AGBL1: variants seen among roughly 807,000 people sequenced by gnomAD.
AGBL1 encodes the protein AGBL carboxypeptidase 1, also known as cytosolic carboxypeptidase 4.
AGBL1 carries 130 observed loss-of-function variants against 118.9 expected under a neutral mutation model. The observed-to-expected ratio is 1.09, with a 90% CI of 0.95 to 1.26. The LOEUF (loss-of-function observed/expected upper bound fraction) is 1.26, where lower values mean the gene tolerates loss of function less well. Ranked by LOEUF, AGBL1 falls within the 50% of genes most tolerant of loss-of-function variation. The pLI is 0.00. For synonymous variants in AGBL1, 555 were observed against 478.9 expected (o/e 1.16, Z -2.08); for missense variants, 1,584 against 1,298.1 (o/e 1.22, Z -3.38).
intron 22 of AGBL1, among the ~76,000 whole-genome samples, chr15:86,739,803 A>T (rs995405145): frequency 6.6e-6 from 1 of 152,206 alleles, no homozygotes; most frequent in African/African-American, 2.4e-5. Context: ...CTTAAACAGC[A>T]GGATGGCAGA....
intron 3 of AGBL1, among the ~76,000 whole-genome samples, chr15:86,150,987 G>C (rs2077100040): frequency 6.6e-6 from 1 of 152,230 alleles, no homozygotes; most frequent in Non-Finnish European, 1.5e-5. Context: ...AAAATGATGA[G>C]TTCATGTCCT....
rs78900149 is a variant in AGBL1, at chr15:86,865,434, A to G, written c.3159-41653A>G. On this transcript the variant is annotated intron_variant, in intron 22 of 22. Transcript: ENST00000614907. ...ACCCTTTGTTGAAACTGAGCACTTC[A>G]GAAACACAGGCCCTTGGCATAATTG... Among the ~76,000 whole-genome samples, 135 of 152,344 alleles carry G rather than the reference A, an allele frequency of 8.9e-4. 1 individual carries two copies. Among genetic ancestry groups the G allele is most frequent in the African/African-American group, 3.2e-3 (132 of 41,580 alleles).
intron 24 of AGBL1, among the ~76,000 whole-genome samples, chr15:86,998,682 C>A (rs1305343632): frequency 6.6e-5 from 10 of 152,124 alleles, no homozygotes; most frequent in Admixed American, 5.9e-4. Context: ...GAATGGGCAG[C>A]TGATATACAG....
intron 5 of AGBL1, among the ~76,000 whole-genome samples, chr15:86,184,688 A>C (rs996386406): frequency 6.6e-6 from 1 of 151,972 alleles, no homozygotes; most frequent in African/African-American, 2.4e-5. Flanking sequence ...TTTTTCTCTA[A>C]CCTTGAAAAT....
chr15:86,556,757 C>A (rs1267295500), intron 21 of AGBL1, among the ~76,000 whole-genome samples: 1 of 152,182 alleles, frequency 6.6e-6, no homozygotes, highest in African/African-American at 2.4e-5. Context: ...GGTCATCTTT[C>A]CATTTTTTGT....
chr15:86,459,069 G>C (rs1208522156), intron 18 of AGBL1, among the ~76,000 whole-genome samples: 3 of 152,086 alleles, frequency 2.0e-5, no homozygotes, highest in Non-Finnish European at 4.4e-5. Context: ...ATTATAGTTT[G>C]ATCCAAGAAA....
intron 23 of AGBL1, among the ~76,000 whole-genome samples, chr15:86,945,391 G>T (rs1379076997): frequency 1.3e-5 from 2 of 152,052 alleles, no homozygotes; most frequent in African/African-American, 2.4e-5. Context: ...AAACCAGCCG[G>T]GCACAGTGGC....
intron 21 of AGBL1, among the ~76,000 whole-genome samples, chr15:86,645,580 G>A (rs2085263922): frequency 6.6e-6 from 1 of 152,134 alleles, no homozygotes. Context: ...ACCATCTCCT[G>A]TGCACCTTTT....
At chr15:86,229,488 C>G (rs1436968250) in intron 6 of AGBL1, among the ~76,000 whole-genome samples, 2 of 152,142 alleles carry the variant, frequency 1.3e-5, no homozygotes, top group African/African-American at 4.8e-5. Flanking sequence ...CCCACCAGGT[C>G]CCTTTGATTC....
chr15:86,488,498 C>T (rs957127308), intron 18 of AGBL1, among the ~76,000 whole-genome samples: 1 of 152,018 alleles, frequency 6.6e-6, no homozygotes, highest in African/African-American at 2.4e-5. Context: ...AGTACCAGGA[C>T]ATTAGACTCA....
chr15:86,841,763 C>G (rs2079248841), intron 22 of AGBL1, among the ~76,000 whole-genome samples: 1 of 152,162 alleles, frequency 6.6e-6, no homozygotes, highest in East Asian at 1.9e-4. Context: ...AGGAGAATCG[C>G]TTGAACCAGA....
intron 17 of AGBL1, among the ~76,000 whole-genome samples, chr15:86,326,180 C>CT (rs879314310): frequency 3.2e-4 from 47 of 148,618 alleles, no homozygotes; most frequent in South Asian, 1.7e-3. Flanking sequence ...TTACAGTGAG[C>CT]TTTTTTTTTT....
At chr15:86,716,415 G>T (rs540154522) in intron 22 of AGBL1, among the ~76,000 whole-genome samples, 1 of 152,210 alleles carries the variant, frequency 6.6e-6, no homozygotes, top group Admixed American at 6.5e-5. Context: ...ATCAGGTAGG[G>T]TACATGTCAC....
intron 17 of AGBL1, among the ~76,000 whole-genome samples, chr15:86,358,469 G>A (rs887364327): frequency 1.3e-5 from 2 of 152,082 alleles, no homozygotes; most frequent in East Asian, 3.9e-4. Context: ...TGGCGGTTGT[G>A]AATTATCTTG....
intron 17 of AGBL1, among the ~76,000 whole-genome samples, chr15:86,319,947 G>C (rs1367083529): frequency 6.6e-6 from 1 of 151,780 alleles, no homozygotes; most frequent in Non-Finnish European, 1.5e-5. Context: ...AGTAGAGACA[G>C]GGTTTCACCA....
intron 18 of AGBL1, among the ~76,000 whole-genome samples, chr15:86,486,232 C>T (rs1034124916): frequency 6.6e-6 from 1 of 152,106 alleles, no homozygotes; most frequent in African/African-American, 2.4e-5. Flanking sequence ...ATTCCTGATC[C>T]ATGCTGTGAA....
At chr15:86,139,367 A>G (rs1016598999) in intron 1 of AGBL1, among the ~76,000 whole-genome samples, 5 of 152,146 alleles carry the variant, frequency 3.3e-5, no homozygotes, top group African/African-American at 1.2e-4. Context: ...TTTTTTCATA[A>G]TAGGATTTGG....
chr15:86,695,214 A>G (rs1342949066), intron 22 of AGBL1, among the ~76,000 whole-genome samples: 1 of 151,944 alleles, frequency 6.6e-6, no homozygotes, highest in South Asian at 2.1e-4. Context: ...CTGTGAATCC[A>G]TGTGGTCCTA....
At chr15:86,827,470 CATATATATATATATGTGTGTATATATAT>C (rs2079040384) in intron 22 of AGBL1, among the ~76,000 whole-genome samples, 4 of 5,824 alleles carry the variant, frequency 6.9e-4, no homozygotes, top group Admixed American at 2.8e-3. Flanking sequence ...TATATATATA[CATATATATATATATGTGTGTATATATAT>C]ATATATATAT....
Sources: gnomAD v4.1 joint callset for allele counts (sites outside exome capture counted in the v4.1 genomes callset) on GRCh38, gnomAD v4.1.1 for gene constraint, MANE v1.5 for transcripts, NCBI Gene and HGNC (gene_info 2026-07-23, HGNC 2026-07-21) for gene names.